Variants in CENPF observed in about 807,000 individuals in gnomAD.
CENPF encodes centromere protein F.
Under a neutral mutation model 307.3 loss-of-function variants are expected in CENPF, and 214 were observed. The observed-to-expected ratio is 0.70, with a 90% CI of 0.62 to 0.78. The LOEUF (loss-of-function observed/expected upper bound fraction) is 0.78. CENPF is among the 30% of genes least tolerant of loss of function. The pLI is 0.00. For synonymous variants in CENPF, 1,259 were observed against 1,270.6 expected (o/e 0.99, Z 0.19); for missense variants, 3,401 against 3,483.9 (o/e 0.98, Z 0.60).
At chr1:214,609,622 C>T (rs1335232517) in intron 1 of CENPF, among the ~76,000 whole-genome samples, 2 of 152,096 alleles carry the variant, frequency 1.3e-5, no homozygotes, top group African/African-American at 2.4e-5. Flanking sequence ...GGTACACATG[C>T]AGGTTTGTTT....
At chr1:214,656,409 C>A (rs1658631858) in intron 17 of CENPF, among the ~76,000 whole-genome samples, 1 of 152,112 alleles carries the variant, frequency 6.6e-6, no homozygotes, top group Non-Finnish European at 1.5e-5. Context: ...ACCAAGATTC[C>A]CACCTTTATA....
intron 18 of CENPF, among the ~76,000 whole-genome samples, chr1:214,657,755 G>A (rs534934065): frequency 5.3e-5 from 8 of 152,274 alleles, no homozygotes; most frequent in African/African-American, 1.9e-4. Flanking sequence ...TGAGCTGGAG[G>A]GTGCACCCTG....
chr1:214,605,344 C>T (rs182771798), intron 1 of CENPF: 65 of 289,446 alleles, frequency 2.2e-4, no homozygotes, highest in Non-Finnish European at 3.5e-4. Flanking sequence ...TCATTATTAT[C>T]CTCATTTTAC....
chr1:214,645,954 T>A lies in CENPF; in HGVS notation c.6384T>A (p.Ile2128=). Residue 2128 remains isoleucine (I), a synonymous_variant, in exon 13 of 20, where the codon ATT becomes ATA. Transcript: ENST00000366955. ...GCATCGAGAAACTGAGAGTTCGCAT[T>A]GAGGCCGATGAAAAGAAGCAGCTGC... ...RRGIEKLRVR[I]EADEKKQLHI... is the part of the protein sequence containing the mutation. 6.2e-7 allele frequency: 1 copy of A among 1,614,020 alleles called. No individual in the cohort carries two copies. The highest frequency in any genetic ancestry group is 8.5e-7 in the Non-Finnish European group (1 of 1,180,010).
At chr1:214,635,020 T>C (rs1014919052) in intron 10 of CENPF, among the ~76,000 whole-genome samples, 20 of 152,194 alleles carry the variant, frequency 1.3e-4, no homozygotes, top group African/African-American at 4.6e-4. Flanking sequence ...TTAGATAAGC[T>C]GCTCGTCCAC....
Position 214,642,131 on chromosome 1 carries a change from G to A in CENPF, c.3793G>A (p.Glu1265Lys). ...AGAAATTAGTGGCCTTAAAGACTGT[G>A]AAATAGATGCGGAAGAAAAGTATAT... Reference protein sequence around the residue: ...SQEISGLKDCEIDAEEKYISG... With the variant: ...SQEISGLKDCKIDAEEKYISG... The change falls in exon 12 of 20, where the codon GAA (glutamate) becomes AAA (lysine). Residue 1265 changes from glutamate to lysine, a missense_variant. Glu to Lys is a moderately conservative substitution (Grantham distance 56). Coordinates refer to ENST00000366955, the MANE Select transcript of CENPF (RefSeq NM_016343.4). 1 of 1,613,856 alleles carries A rather than the reference G, an allele frequency of 6.2e-7. No individual in the cohort carries two copies.
chr1:214,614,055 A>T (rs1657269768), intron 2 of CENPF, 139 bp downstream of exon 2: 2 of 795,726 alleles, frequency 2.5e-6, no homozygotes, highest in African/African-American at 1.8e-5. Context: ...TGCTGTCTTC[A>T]GGTGGTAATT....
chr1:214,656,493 C>T (rs1388959244), intron 17 of CENPF, among the ~76,000 whole-genome samples: 2 of 152,098 alleles, frequency 1.3e-5, no homozygotes, highest in Non-Finnish European at 2.9e-5. Flanking sequence ...TTTGGATTTG[C>T]CTGGTCATCT....
chr1:214,631,659 C>T (rs1361015584), intron 9 of CENPF, among the ~76,000 whole-genome samples: 3 of 152,178 alleles, frequency 2.0e-5, no homozygotes, highest in Non-Finnish European at 4.4e-5. Context: ...GCCACCACGC[C>T]TGGCTGATTT....
intron 12 of CENPF, 148 bp from the exon 13 acceptor site, chr1:214,644,409 G>C (rs554865444): frequency 2.5e-5 from 18 of 721,258 alleles, no homozygotes; most frequent in Non-Finnish European, 3.7e-5. Flanking sequence ...TGAATGAAGA[G>C]AGAAAGATGT....
At chr1:214,648,207 A>G (rs1658365353) in intron 13 of CENPF, among the ~76,000 whole-genome samples, 1 of 152,184 alleles carries the variant, frequency 6.6e-6, no homozygotes, top group African/African-American at 2.4e-5. Context: ...AGATGATGAG[A>G]CAAACCATAG....
Position 214,659,405 on chromosome 1 carries a change from G to A in CENPF, c.9141+377G>A, listed in dbSNP as rs1027573494. On this transcript the variant is annotated intron_variant, in intron 19 of 19. Coordinates refer to ENST00000366955, the MANE Select transcript of CENPF (RefSeq NM_016343.4). This position sits in a 1 kb window ranked among gnomAD's most constrained non-coding sequence, Gnocchi z 4.4. Reference sequence around the variant, plus strand: ...CTTTACTCTCACTTATCTGCCCCCAGCTGCTAATTCTTTATTGTTTTTATT... The same window carrying A: ...CTTTACTCTCACTTATCTGCCCCCAACTGCTAATTCTTTATTGTTTTTATT... 1.6e-4 allele frequency among the ~76,000 whole-genome samples: 24 copies of A among 151,136 alleles called. No individual in the cohort carries two copies. Among genetic ancestry groups the A allele is most frequent in the African/African-American group, 5.6e-4 (23 of 41,004 alleles).
Position 214,640,563 on chromosome 1 carries a change from T to A in CENPF, c.2225T>A (p.Leu742Gln). ...GATCTAGAACACAAGCTTCAGTTAC[T>A]GTCAAATGAAATAATGGACAAAGAC... is the stretch of plus-strand genomic sequence containing the variant. ...VEDLEHKLQL[L>Q]SNEIMDKDRC... Residue 742 changes from leucine to glutamine, a missense_variant, in exon 12 of 20, where the codon CTG becomes CAG. Transcript: ENST00000366955. 6.2e-7 allele frequency: 1 copy of A among 1,614,104 alleles called. No homozygotes were observed. Among genetic ancestry groups the A allele is most frequent in the Non-Finnish European group, 8.5e-7 (1 of 1,179,978 alleles).
chr1:214,638,997 G>T (rs558529833), intron 11 of CENPF, among the ~76,000 whole-genome samples: 1 of 152,184 alleles, frequency 6.6e-6, no homozygotes, highest in Non-Finnish European at 1.5e-5. Flanking sequence ...TGAAGCCCTT[G>T]TGGTGCTGTC....
Position 214,622,147 on chromosome 1 carries a change from G to T in CENPF, c.934G>T (p.Val312Leu), listed in dbSNP as rs1657523130. Residue 312 changes from valine to leucine, a missense_variant, in exon 7 of 20, where the codon GTG becomes TTG. Physicochemically the swap from Val to Leu is conservative, Grantham distance 32 (BLOSUM62 1). Transcript: ENST00000366955. ...ACATGAAAAAGAAATGAAAGGCCAAGTGAATAAGTTTCAAGAACTCCAACT... is the reference window on the plus strand; with the variant it reads ...ACATGAAAAAGAAATGAAAGGCCAATTGAATAAGTTTCAAGAACTCCAACT... ...QGHEKEMKGQ[V>L]NKFQELQLQL... 6.2e-7 allele frequency: 1 copy of T among 1,613,944 alleles called. No individual in the cohort carries two copies. Among genetic ancestry groups the T allele is most frequent in the South Asian group, 1.1e-5 (1 of 91,084 alleles).
intron 1 of CENPF, chr1:214,605,937 C>T (rs1215600449): frequency 2.5e-6 from 4 of 1,597,342 alleles, no homozygotes; most frequent in Admixed American, 1.7e-5. Flanking sequence ...TTCTTGGTGT[C>T]GGGGAAGGCG....
At chr1:214,608,826 C>A in intron 1 of CENPF, 5 of 1,594,156 alleles carry the variant, frequency 3.1e-6, no homozygotes, top group South Asian at 2.2e-5. Context: ...GCTCACTCAG[C>A]GACAGCCCGT....
rs1658521742 is a variant in CENPF at position 214,652,747 on chromosome 1, T to G, written c.8161-81T>G. Reference sequence around the variant, plus strand: ...TGTGAAACACTGCGCCCAGCTGTTTTTTGTTTTTCTGACTATTTTTTTTTA... The same window carrying G: ...TGTGAAACACTGCGCCCAGCTGTTTGTTGTTTTTCTGACTATTTTTTTTTA... On this transcript the variant is annotated intron_variant, in intron 15 of 19. Coordinates refer to ENST00000366955, the MANE Select transcript of CENPF (RefSeq NM_016343.4). 4.7e-6 allele frequency: 6 copies of G among 1,285,252 alleles called. No homozygotes were observed. In the South Asian group the frequency reaches 9.1e-5, roughly 20 times the overall value. The allele number at this position is 1,285,252 out of a possible 1,614,324, so 79.6% of individuals were successfully genotyped here.
rs1216087260 is a variant in CENPF at position 214,643,244 on chromosome 1, C to A, written c.4906C>A (p.Leu1636Ile). 3.1e-6 allele frequency: 5 copies of A among 1,589,440 alleles called. No homozygotes were observed. In the Admixed American group the frequency reaches 7.4e-5, roughly 23 times the overall value. Residue 1636 changes from leucine to isoleucine, a missense_variant, in exon 12 of 20, where the codon CTT becomes ATT. Physicochemically the swap from Leu to Ile is conservative, Grantham distance 5. Transcript: ENST00000366955. ...AEKKQTEQLS[L>I]ELEVARLQLQ... ...AAAGAAACAGACGGAACAACTGTCACTTGAGCTGGAAGTAGCACGACTCCA... is the reference window on the plus strand; with the variant it reads ...AAAGAAACAGACGGAACAACTGTCAATTGAGCTGGAAGTAGCACGACTCCA...
Sources: allele counts gnomAD v4.1 joint callset (sites outside exome capture counted in the v4.1 genomes callset), GRCh38; gene constraint gnomAD v4.1.1; non-coding constraint Gnocchi (gnomAD v3.1); transcripts MANE v1.5; gene names NCBI Gene and HGNC (gene_info 2026-07-23, HGNC 2026-07-21).